CCDC171: variants seen among roughly 807,000 people sequenced by gnomAD.
The protein encoded by CCDC171 is coiled-coil domain-containing protein 171.
In CCDC171, 177 loss-of-function variants were observed where a neutral mutation model predicts 168.2. The observed-to-expected ratio is 1.05, with a 90% CI of 0.93 to 1.19. The LOEUF is 1.19. Ranked by LOEUF, CCDC171 falls within the 50% of genes most tolerant of loss-of-function variation. The pLI is 0.00. For synonymous variants in CCDC171, 687 were observed against 540.8 expected (o/e 1.27, Z -3.75); for missense variants, 1,991 against 1,539.0 (o/e 1.29, Z -4.91).
chr9:16,045,518 G>C (rs1257689250), intron 1 of CCDC171, among the ~76,000 whole-genome samples: 5 of 152,156 alleles, frequency 3.3e-5, no homozygotes, highest in African/African-American at 1.2e-4. Flanking sequence ...AATGTCTCCA[G>C]ACATTGCCTA....
chr9:16,067,446 T>C, the CCDC171 span, among the ~76,000 whole-genome samples: 1 of 152,200 alleles, frequency 6.6e-6, no homozygotes, highest in Non-Finnish European at 1.5e-5. Flanking sequence ...TCTTTTGCTG[T>C]GCAGAAGCTC....
chr9:15,720,106 G>C (rs942288299), intron 11 of CCDC171, among the ~76,000 whole-genome samples: 1 of 149,468 alleles, frequency 6.7e-6, no homozygotes, highest in Non-Finnish European at 1.5e-5. Flanking sequence ...GAAAAACCAA[G>C]TTGTACCCAT....
At chr9:15,824,874 T>C (rs1277956348) in intron 21 of CCDC171, among the ~76,000 whole-genome samples, 1 of 152,116 alleles carries the variant, frequency 6.6e-6, no homozygotes, top group East Asian at 1.9e-4. Flanking sequence ...TATGAAGGGG[T>C]CATTATCTAC....
chr9:15,679,677 G>C (rs982609146), intron 10 of CCDC171, among the ~76,000 whole-genome samples: 1 of 152,098 alleles, frequency 6.6e-6, no homozygotes, highest in East Asian at 1.9e-4. Flanking sequence ...AGCCCCCCGA[G>C]TAGCTGAGAC....
At chr9:15,963,221 A>G (rs535613115) in intron 25 of CCDC171, among the ~76,000 whole-genome samples, 1 of 152,248 alleles carries the variant, frequency 6.6e-6, no homozygotes, top group Admixed American at 6.5e-5. Flanking sequence ...TAGGAGATAT[A>G]CCTAATGTTA....
intron 21 of CCDC171, among the ~76,000 whole-genome samples, chr9:15,841,003 T>C (rs2060655809): frequency 6.6e-6 from 1 of 152,068 alleles, no homozygotes; most frequent in South Asian, 2.1e-4. Flanking sequence ...TTATTTTATA[T>C]TGACACCATT....
the CCDC171 span, among the ~76,000 whole-genome samples, chr9:16,068,247 T>C: frequency 6.6e-5 from 10 of 151,018 alleles, no homozygotes; most frequent in South Asian, 1.5e-3. Flanking sequence ...ATCCAACTTA[T>C]AAGGGATGTG....
At chr9:15,708,606 A>C (rs539577370) in intron 11 of CCDC171, among the ~76,000 whole-genome samples, 26 of 152,292 alleles carry the variant, frequency 1.7e-4, no homozygotes, top group African/African-American at 5.3e-4. Flanking sequence ...ACAGCTAGCC[A>C]GGAATGACCC....
At chr9:15,847,594 T>A (rs2060954277) in intron 22 of CCDC171, among the ~76,000 whole-genome samples, 1 of 152,096 alleles carries the variant, frequency 6.6e-6, no homozygotes, top group South Asian at 2.1e-4. Context: ...AGAAAATCTA[T>A]TTTCAAGGAG....
rs765167730 is a variant in CCDC171, at chr9:15,777,632, A to T, written c.2704A>T (p.Ile902Leu). ...TTCCAGAATTTGTGGACATTTACTC[A>T]TAGGTGCAGCCAAGAATTCTTTTGC... is the stretch of plus-strand genomic sequence containing the variant. ...PNSRICGHLLIGAAKNSFAKL... is the reference protein window; with the variant it reads ...PNSRICGHLLLGAAKNSFAKL... The change falls in exon 19 of 26, where the codon ATA becomes TTA. Residue 902 changes from isoleucine to leucine, a missense_variant. By Grantham distance (5) the Ile-to-Leu change is conservative. Coordinates refer to ENST00000380701, the MANE Select transcript of CCDC171 (RefSeq NM_173550.4). 8.1e-6 allele frequency: 13 copies of T among 1,612,692 alleles called. No individual in the cohort carries two copies. The highest frequency in any genetic ancestry group is 1.3e-5 in the African/African-American group (1 of 74,836).
rs138621684 is a variant in CCDC171 at position 15,962,868 on chromosome 9, T to C, written c.3754-8741T>C. 2.7e-3 allele frequency among the ~76,000 whole-genome samples: 405 copies of C among 151,530 alleles called. 2 individuals carry two copies. Among genetic ancestry groups the C allele is most frequent in the African/African-American group, 9.2e-3 (380 of 41,446 alleles). ...ATAGATATGCATGTATGTGTGTTTA[T>C]GCTTATTTTAAAATGTATATTACTA... On this transcript the variant is annotated intron_variant, in intron 25 of 25. Transcript: ENST00000380701.
At chr9:15,634,725 G>GTGCAA (rs2046061336) in intron 7 of CCDC171, among the ~76,000 whole-genome samples, 3 of 152,102 alleles carry the variant, frequency 2.0e-5, no homozygotes, top group Admixed American at 1.3e-4. Flanking sequence ...TCACAGCATT[G>GTGCAA]TGCAACCATT....
intron 6 of CCDC171, among the ~76,000 whole-genome samples, chr9:15,606,561 T>C (rs944698377): frequency 6.6e-6 from 1 of 152,222 alleles, no homozygotes; most frequent in Non-Finnish European, 1.5e-5. Context: ...TGTAGTTAGC[T>C]ATATTGATAT....
chr9:16,103,734 G>A, the CCDC171 span, among the ~76,000 whole-genome samples: 2 of 152,136 alleles, frequency 1.3e-5, no homozygotes, highest in East Asian at 1.9e-4. Flanking sequence ...TCTCTGCACC[G>A]AGCAGGACCA....
At chr9:15,571,154 C>A (rs1292677747) in intron 2 of CCDC171, among the ~76,000 whole-genome samples, 1 of 152,156 alleles carries the variant, frequency 6.6e-6, no homozygotes, top group East Asian at 1.9e-4. Flanking sequence ...TGTTCTCTCT[C>A]TTGTGAGTTT....
At chr9:15,638,043 A>C (rs1374425627) in intron 7 of CCDC171, among the ~76,000 whole-genome samples, 1 of 152,196 alleles carries the variant, frequency 6.6e-6, no homozygotes, top group Non-Finnish European at 1.5e-5. Flanking sequence ...AGGAATCACC[A>C]CACTGACTTC....
At chr9:15,870,101 ACT>A (rs1393595258) in intron 23 of CCDC171, among the ~76,000 whole-genome samples, 1 of 138,684 alleles carries the variant, frequency 7.2e-6, no homozygotes, top group Non-Finnish European at 1.6e-5. Context: ...AATGGGTATA[ACT>A]CTAATAAAAC....
chr9:15,926,143 T>G (rs1018414648), intron 25 of CCDC171, among the ~76,000 whole-genome samples: 4 of 151,762 alleles, frequency 2.6e-5, no homozygotes, highest in African/African-American at 4.8e-5. Context: ...GAAGATAATG[T>G]ATGTGTAGGA....
chr9:15,651,564 AC>A, intron 7 of CCDC171, among the ~76,000 whole-genome samples: 1 of 152,084 alleles, frequency 6.6e-6, no homozygotes, highest in East Asian at 1.9e-4. Flanking sequence ...GCCGAGATTA[AC>A]TTTTTTAGCT....
Sources: gnomAD v4.1 joint callset for allele counts (sites outside exome capture counted in the v4.1 genomes callset) on GRCh38, gnomAD v4.1.1 for gene constraint, MANE v1.5 for transcripts, NCBI Gene and HGNC (gene_info 2026-07-23, HGNC 2026-07-21) for gene names.